Variants in FCRL3 observed in about 807,000 individuals in gnomAD.
The protein encoded by FCRL3 is Fc receptor like 3.
Under a neutral mutation model 75.0 loss-of-function variants are expected in FCRL3, and 89 were observed. The ratio of observed to expected loss-of-function variants is 1.19; its 90% CI spans 1.00 to 1.42. The LOEUF (loss-of-function observed/expected upper bound fraction) is 1.42. FCRL3 is among the 40% of genes most tolerant of loss of function. The pLI, the probability that FCRL3 is intolerant of heterozygous loss-of-function variation, is 0.00. For missense variants in FCRL3, 946 were observed against 880.0 expected (o/e 1.07, Z -0.95); for synonymous variants, 376 against 348.5 (o/e 1.08, Z -0.88).
rs752173870 is a variant in FCRL3, at chr1:157,690,494, C to T, written c.1451G>A (p.Gly484Glu). ...SRPVLTLRAP[G>E]AQAVVGDLLE... is the part of the protein sequence containing the mutation. ...CAGGTCCCCCACCACAGCCTGGGCCCCGGGAGCCCTGAGGGTGAGGACGGG... is the reference window on the plus strand; with the variant it reads ...CAGGTCCCCCACCACAGCCTGGGCCTCGGGAGCCCTGAGGGTGAGGACGGG... Residue 484 changes from glycine (G) to glutamate (E), a missense_variant, in exon 9 of 15, where the codon GGG (glycine) becomes GAG (glutamate). Coordinates refer to ENST00000368184, the MANE Select transcript of FCRL3 (RefSeq NM_052939.4). 6.2e-7 allele frequency: 1 copy of T among 1,614,196 alleles called. No homozygotes were observed. Among genetic ancestry groups the T allele is most frequent in the Middle Eastern group, 1.6e-4 (1 of 6,062 alleles).
chr1:157,677,868 G>T lies in FCRL3; in HGVS notation c.*842C>A, dbSNP rs1654558487. The T allele has an allele frequency of 7.5e-6, 6 of 804,392 alleles. No individual in the cohort carries two copies. The highest frequency in any genetic ancestry group is 7.5e-6 in the Non-Finnish European group (5 of 665,770). 49.8% of individuals were successfully genotyped at this position (804,392 alleles called of 1,614,324 possible). On this transcript the variant is annotated 3_prime_UTR_variant, in exon 15 of 15. Transcript: ENST00000368184. The stretch of plus-strand genomic sequence containing the variant: ...AATAATGAACATGAGATTTAGAATG[G>T]TTTTTTATCAGATGGAGTGAGGTAG...
chr1:157,687,882 C>T (rs1655272174), intron 10 of FCRL3, among the ~76,000 whole-genome samples: 2 of 151,848 alleles, frequency 1.3e-5, no homozygotes. Context: ...ATCTCAATAT[C>T]ATGCAATATA....
Position 157,681,084 on chromosome 1 carries a change from C to T in FCRL3, c.1854G>A (p.Glu618=), listed in dbSNP as rs146903009. 6.0e-4 allele frequency: 953 copies of T among 1,579,584 alleles called. 14 individuals are homozygous for T. In the East Asian group the frequency reaches 8.8e-3, roughly 15 times the overall value. ...GCCTGGACGAGGAAGGCTCCTGACA[C>T]TCACTAGGACTGTGACTGTGACAGA... is the stretch of plus-strand genomic sequence containing the variant. ...ATGTSSHSPS[E]CQEPSSSRPS... is the part of the protein sequence containing the mutation. The change falls in exon 12 of 15, where the codon GAG becomes GAA. Residue 618 remains glutamate (E), a synonymous_variant. Transcript: ENST00000368184.
At position 157,678,440 on chromosome 1, in the gene FCRL3, G is replaced by A. The variant is rs1045847905; in HGVS notation, c.*270C>T. On this transcript the variant is annotated 3_prime_UTR_variant, in exon 15 of 15. Transcript: ENST00000368184. ...ACCATTTCTCTCTCCTCCTCTATTC[G>A]ACAGCCCTAGGAGCTGAGGGCCCTC... 6.0e-5 allele frequency: 77 copies of A among 1,291,464 alleles called. No homozygotes were observed. In the African/African-American group the frequency reaches 1.0e-3, roughly 17 times the overall value. 80.0% of individuals were successfully genotyped at this position (1,291,464 alleles called of 1,614,324 possible).
chr1:157,690,626 G>A lies in FCRL3; in HGVS notation c.1412-93C>T. 4 of 1,470,024 alleles carry A rather than the reference G, an allele frequency of 2.7e-6. No individual in the cohort carries two copies. In the South Asian group the frequency reaches 5.4e-5, roughly 20 times the overall value. 91.1% of individuals were successfully genotyped at this position (1,470,024 alleles called of 1,614,324 possible). A position where few individuals can be genotyped will look rare whatever the true frequency, so the allele number is the denominator to read the frequency against. On this transcript the variant is annotated intron_variant, in intron 8 of 14. Transcript: ENST00000368184. ...AATATGCAGCATAGTTGAGTTGCGG[G>A]AACATGCACCTGGATTCTGGAGAAC...
chr1:157,695,188 A>T, intron 8 of FCRL3, 141 bp downstream of exon 8: 1 of 829,056 alleles, frequency 1.2e-6, no homozygotes, highest in Non-Finnish European at 1.9e-6. Flanking sequence ...CACTAGGAAG[A>T]ATCCCAGAAC....
chr1:157,677,903 A>C lies in FCRL3; in HGVS notation c.*807T>G. 1.0e-6 allele frequency: 1 copy of C among 953,326 alleles called. No individual in the cohort carries two copies. The highest frequency in any genetic ancestry group is 6.2e-5 in the Admixed American group (1 of 16,222). The allele number at this position is 953,326 out of a possible 1,614,324, so 59.1% of individuals were successfully genotyped here. ...AGATGGAGTGAGGTAGAGGAAGAGA[A>C]TGGGAGAAGCCACATAGATATAGTA... On this transcript the variant is annotated 3_prime_UTR_variant, in exon 15 of 15. Transcript: ENST00000368184.
At chr1:157,695,001 A>C (rs1342134054) in intron 8 of FCRL3, among the ~76,000 whole-genome samples, 1 of 152,020 alleles carries the variant, frequency 6.6e-6, no homozygotes, top group Non-Finnish European at 1.5e-5. Context: ...TTCAGAAATA[A>C]AGGCTTTCTG....
chr1:157,677,880 A>T lies in FCRL3; in HGVS notation c.*830T>A. 1.2e-5 allele frequency: 10 copies of T among 861,640 alleles called. No individual in the cohort carries two copies. The highest frequency in any genetic ancestry group is 1.4e-5 in the Non-Finnish European group (10 of 717,636). The allele number at this position is 861,640 out of a possible 1,614,324, so 53.4% of individuals were successfully genotyped here. The stretch of plus-strand genomic sequence containing the variant: ...GAGATTTAGAATGGTTTTTTATCAG[A>T]TGGAGTGAGGTAGAGGAAGAGAATG... On this transcript the variant is annotated 3_prime_UTR_variant, in exon 15 of 15. Coordinates refer to ENST00000368184, the MANE Select transcript of FCRL3 (RefSeq NM_052939.4).
At chr1:157,688,659 G>A (rs1362415062) in intron 10 of FCRL3, among the ~76,000 whole-genome samples, 1 of 150,114 alleles carries the variant, frequency 6.7e-6, no homozygotes, top group Non-Finnish European at 1.5e-5. Context: ...TTGATACCAG[G>A]TGAAAATATG....
intron 8 of FCRL3, chr1:157,691,757 A>C (rs1655558608): frequency 6.6e-6 from 1 of 152,070 alleles, no homozygotes; most frequent in African/African-American, 2.4e-5. Flanking sequence ...CGTATTCTGG[A>C]AAGAGAGATT....
In FCRL3 at chr1:157,681,036, C is replaced by G; in HGVS notation, c.1902G>C (p.Glu634Asp). 6.2e-7 allele frequency: 1 copy of G among 1,606,836 alleles called. No individual in the cohort carries two copies. Among genetic ancestry groups the G allele is most frequent in the African/African-American group, 1.3e-5 (1 of 74,610 alleles). ...GGGCTAGTGGTTTAGAGTGAGTGGG[C>G]TCTTGAGGGTCTATCCTGGAAGGCC... ...SSRPSRIDPQ[E>D]PTHSKPLAPM... The change falls in exon 12 of 15, where the codon GAG (glutamate) becomes GAC (aspartate). Residue 634 changes from glutamate (E) to aspartate (D), a missense_variant. Coordinates refer to ENST00000368184, the MANE Select transcript of FCRL3 (RefSeq NM_052939.4).
In FCRL3 at chr1:157,690,333, G is replaced by C; in HGVS notation, c.1612C>G (p.His538Asp). The C allele has an allele frequency of 1.2e-6, 2 of 1,614,234 alleles. No individual in the cohort carries two copies. Among genetic ancestry groups the C allele is most frequent in the South Asian group, 2.2e-5 (2 of 91,080 alleles). ...GCCTCACATGAGTAGTTTCCAGAAT[G>C]TTCTGTAGTCAGAGAGAGGTTGAAG... ...ASFNLSLTTE[H>D]SGNYSCEADN... Residue 538 changes from histidine (H) to aspartate (D), a missense_variant, in exon 9 of 15, where the codon CAT (histidine) becomes GAT (aspartate). Transcript: ENST00000368184.
chr1:157,680,669 A>T (rs761322229), intron 13 of FCRL3, 33 bp downstream of exon 13: 83 of 1,591,434 alleles, frequency 5.2e-5, no homozygotes, highest in Non-Finnish European at 6.5e-5. Flanking sequence ...AAACACTGCC[A>T]CCTCACCTCT....
chr1:157,684,362 A>G (rs994602588), intron 10 of FCRL3, among the ~76,000 whole-genome samples: 40 of 152,278 alleles, frequency 2.6e-4, no homozygotes, highest in African/African-American at 9.1e-4. Flanking sequence ...ACTCTCATGA[A>G]AAATAACTGA....
At position 157,698,626 on chromosome 1, in the gene FCRL3, A is replaced by T. The variant is rs1373581070; in HGVS notation, c.56T>A (p.Val19Glu). The T allele has an allele frequency of 6.2e-7, 1 of 1,613,944 alleles. No individual in the cohort carries two copies. The highest frequency in any genetic ancestry group is 8.5e-7 in the Non-Finnish European group (1 of 1,179,828). Residue 19 changes from valine to glutamate, a missense_variant, in exon 4 of 15, where the codon GTG becomes GAG. Val to Glu is a moderately radical substitution (Grantham distance 121). Coordinates refer to ENST00000368184, the MANE Select transcript of FCRL3 (RefSeq NM_052939.4). ...GAGGAGAAGTACAGCTTTTGGGGCC[A>T]CCCCTAAACAGGAAATAGAAAGATG... ...ILTPGREQSG[V>E]APKAVLLLNP...
intron 13 of FCRL3, 141 bp from the exon 14 acceptor site, chr1:157,679,114 C>T: frequency 2.1e-6 from 2 of 935,912 alleles, no homozygotes; most frequent in Non-Finnish European, 3.3e-6. Context: ...TCTTCCAAAC[C>T]CACATAGAAA....
intron 3 of FCRL3, among the ~76,000 whole-genome samples, chr1:157,698,921 G>C (rs774704442): frequency 6.6e-6 from 1 of 152,186 alleles, no homozygotes; most frequent in Non-Finnish European, 1.5e-5. Flanking sequence ...AACTGCGAAG[G>C]CCTCAGAATG....
intron 11 of FCRL3, among the ~76,000 whole-genome samples, chr1:157,681,479 G>A (rs1214067308): frequency 7.1e-6 from 1 of 141,774 alleles, no homozygotes; most frequent in East Asian, 2.1e-4. Flanking sequence ...ACCTATGAGT[G>A]AGAACATGCG....
Sources: allele counts gnomAD v4.1 joint callset (sites outside exome capture counted in the v4.1 genomes callset), GRCh38; gene constraint gnomAD v4.1.1; transcripts MANE v1.5; gene names NCBI Gene and HGNC (gene_info 2026-07-23, HGNC 2026-07-21).